KDM5C: variants seen among roughly 807,000 people sequenced by gnomAD.
The protein encoded by KDM5C is lysine demethylase 5C, also known as lysine-specific demethylase 5C.
A neutral mutation model predicts 110.6 loss-of-function variants in KDM5C; 16 were observed. The observed-to-expected ratio is 0.14, with a 90% CI of 0.10 to 0.22. KDM5C has a LOEUF of 0.22. Among genes scored for constraint, KDM5C ranks in the 10% least tolerant of loss-of-function variants. The probability of loss-of-function intolerance (pLI) is 1.00; values close to 1 mark genes in which losing one functional copy is unlikely to be tolerated. For missense variants in KDM5C, 681 were observed against 1,300.9 expected, an observed-to-expected ratio of 0.52 and a Z score of 7.33; for synonymous variants, 511 against 520.4, an observed-to-expected ratio of 0.98 and a Z score of 0.24.
Position 53,194,387 on chromosome X carries a change from C to T in KDM5C, c.3790G>A (p.Ala1264Thr), listed in dbSNP as rs1556834119. 2 of 1,211,942 alleles carry T rather than the reference C, an allele frequency of 1.7e-6. No individual in the cohort carries two copies. The highest frequency in any genetic ancestry group is 2.2e-6 in the Non-Finnish European group (2 of 895,332). ...AGCCGCACAGGCAGTCTCTGCAGGG[C>T]TACCAGCAGTGCCAGGATGGTCTCC... ...RLETILALLV[A>T]LQRLPVRLPE... Residue 1264 changes from alanine to threonine, a missense_variant, in exon 23 of 26, where the codon GCC becomes ACC. Physicochemically the swap from Ala to Thr is moderately conservative, Grantham distance 58. Transcript: ENST00000375401.
At chrX:53,219,632 C>T (rs1343151173) in intron 2 of KDM5C, among the ~76,000 whole-genome samples, 1 of 112,557 alleles carries the variant, frequency 8.9e-6, no homozygotes, top group Admixed American at 9.4e-5. Flanking sequence ...TTGCCCTGAT[C>T]CCATTAGGGG....
chrX:53,214,626 T>C, intron 8 of KDM5C, 63 bp downstream of exon 8: 1 of 1,141,029 alleles, frequency 8.8e-7, no homozygotes, highest in Non-Finnish European at 1.2e-6. Flanking sequence ...CTGCCCTCAA[T>C]AAGGCCAGAT....
chrX:53,218,053 T>C (rs2073796968), intron 3 of KDM5C, 87 bp from the exon 4 acceptor site: 1 of 1,001,609 alleles, frequency 1.0e-6, no homozygotes, highest in Non-Finnish European at 1.4e-6. Context: ...AAAAGGGCAA[T>C]GAGGGCAACT....
chrX:53,189,807 C>T (rs782738926), downstream of KDM5C, among the ~76,000 whole-genome samples: 71 of 112,693 alleles, frequency 6.3e-4, no homozygotes, highest in Middle Eastern at 9.3e-3. Context: ...TCCAGAAGCT[C>T]CAGAGCTTGG....
At chrX:53,218,044 A>T in intron 3 of KDM5C, 78 bp from the exon 4 acceptor site, 1 of 1,068,646 alleles carries the variant, frequency 9.4e-7, no homozygotes, top group Non-Finnish European at 1.3e-6. Flanking sequence ...AGAAAGGGCA[A>T]AAGGGCAATG....
At chrX:53,217,052 A>AT in intron 5 of KDM5C, 91 bp downstream of exon 5, 1 of 1,018,891 alleles carries the variant, frequency 9.8e-7, no homozygotes, top group Non-Finnish European at 1.4e-6. Context: ...AAAAGAAGGG[A>AT]TAATGGAACA....
Position 53,192,883 on chromosome X carries a change from CAAG to C in KDM5C, c.*81_*83del. The C allele has an allele frequency of 1.9e-6, 2 of 1,063,289 alleles. No homozygotes were observed. The highest frequency in any genetic ancestry group is 2.5e-6 in the Non-Finnish European group (2 of 809,518). The allele number at this position is 1,063,289 out of a possible 1,213,427, so 87.6% of individuals were successfully genotyped here. On this transcript the variant is annotated 3_prime_UTR_variant, in exon 26 of 26. Coordinates refer to ENST00000375401, the MANE Select transcript of KDM5C (RefSeq NM_004187.5). ...GCCACCCCCCTACCCGCCCACCCCCCAAGAAGCAGGCTTGATGGTCAGAAAGAG... is the reference window on the plus strand; with the variant it reads ...GCCACCCCCCTACCCGCCCACCCCCCAAGCAGGCTTGATGGTCAGAAAGAG...
intron 8 of KDM5C, chrX:53,214,345 G>GT (rs782216227): frequency 7.9e-5 from 16 of 203,085 alleles, no homozygotes; most frequent in Non-Finnish European, 5.3e-5. Flanking sequence ...TATCCTTCAA[G>GT]TCTCATTTCT....
At position 53,193,610 on chromosome X, in the gene KDM5C, G is replaced by C; in HGVS notation, c.4144C>G (p.Pro1382Ala). The C allele has an allele frequency of 8.3e-7, 1 of 1,211,968 alleles. No individual in the cohort carries two copies. The highest frequency in any genetic ancestry group is 1.1e-6 in the Non-Finnish European group (1 of 895,518). ...TCCAACACAGGGCCAGTCAACTGTG[G>C]CAACAGCGAGGACAGCAGCTCCAGA... The part of the protein sequence containing the change: ...RDLELLSSLL[P>A]QLTGPVLELP... Residue 1382 changes from proline (P) to alanine (A), a missense_variant, in exon 25 of 26, where the codon CCA becomes GCA. This residue lies in a region of KDM5C where 88 missense variants were observed against 85.6 expected (regional missense o/e 1.03). Coordinates refer to ENST00000375401, the MANE Select transcript of KDM5C (RefSeq NM_004187.5).
At position 53,217,956 on chromosome X, in the gene KDM5C, T is replaced by A; in HGVS notation, c.362A>T (p.Glu121Val). Reference sequence around the variant, plus strand: ...GCAGATAGCTTCATAACCACCTTCCTCCACCACAATCTGAAAAAACAAGTA... The same window carrying A: ...GCAGATAGCTTCATAACCACCTTCCACCACCACAATCTGAAAAAACAAGTA... ...DLYSLSKIVV[E>V]EGGYEAICKD... is the part of the protein sequence containing the mutation. The change falls in exon 4 of 26, where the codon GAG becomes GTG. Residue 121 changes from glutamate to valine, a missense_variant. Glu to Val is a moderately radical substitution (Grantham distance 121, BLOSUM62 -2). Around this residue, in one of 14 missense-constraint regions of KDM5C, gnomAD observed 55 missense variants for 118.0 expected, o/e 0.47. Coordinates refer to ENST00000375401, the MANE Select transcript of KDM5C (RefSeq NM_004187.5). The A allele has an allele frequency of 8.3e-7, 1 of 1,210,965 alleles. No individual in the cohort carries two copies. The highest frequency in any genetic ancestry group is 1.1e-6 in the Non-Finnish European group (1 of 894,978).
chrX:53,224,782 G>A lies in KDM5C; in HGVS notation c.108C>T (p.Pro36=), dbSNP rs139309563. 148 of 1,210,568 alleles carry A rather than the reference G, an allele frequency of 1.2e-4. No individual in the cohort carries two copies. In the African/African-American group the frequency reaches 2.4e-3, roughly 19 times the overall value. The part of the protein sequence containing the change: ...DPLGYIAKIR[P]IAEKSGICKI... ...TGCAAATGCCCGATTTCTCTGCGATGGGCCTGATTTTCGCGATGTAGCCAA... is the reference window on the plus strand; with the variant it reads ...TGCAAATGCCCGATTTCTCTGCGATAGGCCTGATTTTCGCGATGTAGCCAA... Residue 36 remains proline, a synonymous_variant, in exon 1 of 26, where the codon CCC becomes CCT. Coordinates refer to ENST00000375401, the MANE Select transcript of KDM5C (RefSeq NM_004187.5).
intron 25 of KDM5C, among the ~76,000 whole-genome samples, chrX:53,185,441 C>A (rs1934188750): frequency 8.9e-6 from 1 of 112,512 alleles, no homozygotes; most frequent in African/African-American, 3.2e-5. Flanking sequence ...TTTTGGAATA[C>A]TACAGAAGCA....
Position 53,199,168 on chromosome X carries a change from T to C in KDM5C, c.2062-10A>G. 1 of 1,209,502 alleles carries C rather than the reference T, an allele frequency of 8.3e-7. No individual in the cohort carries two copies. Among genetic ancestry groups the C allele is most frequent in the Non-Finnish European group, 1.1e-6 (1 of 893,504 alleles). On this transcript the variant is annotated splice_polypyrimidine_tract_variant and intron_variant, in intron 14 of 25. Transcript: ENST00000375401. ...CAGCCTCTGTGATACCCTAAGGGCA[T>C]TTAACCTATGCGTTATATATAACCA...
At chrX:53,201,798 A>G in intron 13 of KDM5C, 54 bp from the exon 14 acceptor site, 2 of 1,211,138 alleles carry the variant, frequency 1.7e-6, no homozygotes, top group African/African-American at 3.5e-5. Flanking sequence ...ATGATGCCCC[A>G]GCTTCTCTAC....
At chrX:53,180,287 G>C (rs1466250412) in intron 25 of KDM5C, among the ~76,000 whole-genome samples, 1 of 111,691 alleles carries the variant, frequency 9.0e-6, no homozygotes, top group Non-Finnish European at 1.9e-5. Context: ...AGGGAAGTAT[G>C]AATAGGTGGA....
chrX:53,195,769 G>A (rs1169024973), intron 20 of KDM5C, 147 bp downstream of exon 20: 4 of 586,609 alleles, frequency 6.8e-6, no homozygotes, highest in African/African-American at 4.5e-5. Flanking sequence ...TGCTCATCAG[G>A]CACATCTTGC....
intron 12 of KDM5C, among the ~76,000 whole-genome samples, chrX:53,205,302 G>A (rs4532742): frequency 0.1 from 11,236 of 111,357 alleles, 577 homozygotes; most frequent in South Asian, 0.16. Context: ...AATTAATTTG[G>A]GGAGAATTAA....
At chrX:53,206,863 CAAAAAAAAAAAAAA>C (rs58880985) in intron 12 of KDM5C, among the ~76,000 whole-genome samples, 5 of 22,344 alleles carry the variant, frequency 2.2e-4, no homozygotes, top group African/African-American at 2.3e-4. Context: ...GATTCCTTCT[CAAAAAAAAAAAAAA>C]AAAAAAAAAA....
intron 12 of KDM5C, among the ~76,000 whole-genome samples, chrX:53,206,468 G>A (rs981526144): frequency 7.2e-5 from 8 of 111,562 alleles, no homozygotes; most frequent in South Asian, 3.7e-4. Context: ...AAATCATACC[G>A]CAATAAAACT....
Sources: gnomAD v4.1 joint callset for allele counts (sites outside exome capture counted in the v4.1 genomes callset) on GRCh38, gnomAD v4.1.1 for gene constraint, gnomAD v4.1.1 regional missense constraint, MANE v1.5 for transcripts, NCBI Gene and HGNC (gene_info 2026-07-23, HGNC 2026-07-21) for gene names.